RABGAP1: variants seen among roughly 807,000 people sequenced by gnomAD.
RABGAP1 encodes RAB GTPase activating protein 1.
RABGAP1 carries 23 observed loss-of-function variants against 137.6 expected under a neutral mutation model. That is an observed-to-expected ratio of 0.17 (90% CI 0.12 to 0.24). The LOEUF (loss-of-function observed/expected upper bound fraction) is 0.24. RABGAP1 is among the 10% of genes least tolerant of loss of function. The pLI is 1.00. For synonymous variants in RABGAP1, 451 were observed against 450.7 expected (o/e 1.00, Z -0.01); for missense variants, 906 against 1,275.8 (o/e 0.71, Z 4.42).
At chr9:122,969,242 C>G (rs191052445) in intron 2 of RABGAP1, among the ~76,000 whole-genome samples, 2 of 152,288 alleles carry the variant, frequency 1.3e-5, no homozygotes, top group Admixed American at 1.3e-4. Context: ...GAGTAACAGG[C>G]TATACCATAC....
intron 13 of RABGAP1, 61 bp from the exon 14 acceptor site, chr9:123,065,287 C>G (rs918434826): frequency 1.6e-6 from 2 of 1,244,750 alleles, no homozygotes; most frequent in Non-Finnish European, 2.3e-6. Flanking sequence ...CTTGCCTAAA[C>G]CTGAATAAGA....
intron 2 of RABGAP1, among the ~76,000 whole-genome samples, chr9:122,971,483 C>T (rs1381932448): frequency 6.6e-6 from 1 of 152,130 alleles, no homozygotes; most frequent in Non-Finnish European, 1.5e-5. Context: ...AGTTAGCAAA[C>T]CCCAGCAGAA....
intron 13 of RABGAP1, chr9:123,034,466 A>T: frequency 1.4e-6 from 1 of 727,624 alleles, no homozygotes; most frequent in Non-Finnish European, 2.4e-6. Flanking sequence ...TGGCATTATT[A>T]CACACATGCA....
intron 1 of RABGAP1, among the ~76,000 whole-genome samples, chr9:122,949,893 G>T (rs1834140943): frequency 6.6e-6 from 1 of 152,036 alleles, no homozygotes; most frequent in South Asian, 2.1e-4. Flanking sequence ...GCTGATTGCG[G>T]AAACAAAAAC....
intron 19 of RABGAP1, among the ~76,000 whole-genome samples, chr9:123,088,308 C>T (rs942532564): frequency 1.3e-5 from 2 of 152,110 alleles, no homozygotes; most frequent in Non-Finnish European, 2.9e-5. Flanking sequence ...CCTTGGCCTC[C>T]CAAAGTGCTG....
At chr9:123,081,327 C>G (rs771730703) in intron 19 of RABGAP1, among the ~76,000 whole-genome samples, 2 of 152,198 alleles carry the variant, frequency 1.3e-5, no homozygotes, top group Non-Finnish European at 2.9e-5. Context: ...GTGCCCCTAA[C>G]TCGTGTTGTT....
intron 19 of RABGAP1, among the ~76,000 whole-genome samples, chr9:123,079,210 T>C (rs2034619954): frequency 6.9e-6 from 1 of 145,190 alleles, no homozygotes. Flanking sequence ...GTTGTTGTTG[T>C]TTGTTTTTTT....
intron 17 of RABGAP1, among the ~76,000 whole-genome samples, chr9:123,074,650 A>G (rs139171706): frequency 6.6e-6 from 1 of 152,364 alleles, no homozygotes; most frequent in African/African-American, 2.4e-5. Context: ...AGACATTTGT[A>G]TTAGTTCATA....
intron 13 of RABGAP1, among the ~76,000 whole-genome samples, chr9:123,021,201 C>T (rs2031606671): frequency 6.7e-6 from 1 of 148,356 alleles, no homozygotes. Flanking sequence ...GGAGATTTTT[C>T]AATGTGACAG....
intron 13 of RABGAP1, among the ~76,000 whole-genome samples, chr9:123,036,357 A>G (rs2032660624): frequency 6.6e-6 from 1 of 152,228 alleles, no homozygotes. Context: ...ATCGTGTAGT[A>G]CTTTTGCCCA....
Position 123,070,367 on chromosome 9 carries a change from T to C in RABGAP1, c.1926T>C (p.Asp642=), listed in dbSNP as rs1447423587. 1 of 1,614,070 alleles carries C rather than the reference T, an allele frequency of 6.2e-7. No individual in the cohort carries two copies. Among genetic ancestry groups the C allele is most frequent in the Non-Finnish European group, 8.5e-7 (1 of 1,179,972 alleles). Residue 642 remains aspartate, a synonymous_variant, in exon 15 of 26, where the codon GAT becomes GAC. Transcript: ENST00000373647. The surrounding 1 kb of genome is among the most constrained non-coding windows in gnomAD (Gnocchi z 4.4). ...YKICKAYSVY[D]EEIGYCQGQS... Reference sequence around the variant, plus strand: ...TTTTCCAGGCTTATTCTGTGTATGATGAAGAGATTGGTTATTGCCAGGGCC... The same window carrying C: ...TTTTCCAGGCTTATTCTGTGTATGACGAAGAGATTGGTTATTGCCAGGGCC...
intron 13 of RABGAP1, among the ~76,000 whole-genome samples, chr9:123,052,033 C>T (rs1330796067): frequency 6.6e-6 from 1 of 150,906 alleles, no homozygotes; most frequent in Non-Finnish European, 1.5e-5. Context: ...TCTCGATCTC[C>T]TCACCTTGTG....
At chr9:122,993,714 C>T (rs936760358) in intron 6 of RABGAP1, among the ~76,000 whole-genome samples, 1 of 152,036 alleles carries the variant, frequency 6.6e-6, no homozygotes, top group East Asian at 1.9e-4. Context: ...CCCACGCTGG[C>T]GTACAGTGGC....
At chr9:122,953,353 G>A (rs926332563) in intron 1 of RABGAP1, among the ~76,000 whole-genome samples, 4 of 151,954 alleles carry the variant, frequency 2.6e-5, no homozygotes, top group Non-Finnish European at 5.9e-5. Flanking sequence ...TACCTCTATG[G>A]AAACTGAGGC....
intron 13 of RABGAP1, among the ~76,000 whole-genome samples, chr9:123,057,050 G>A (rs1352994392): frequency 5.3e-5 from 8 of 151,596 alleles, no homozygotes; most frequent in East Asian, 2.0e-4. Flanking sequence ...CAGTAGGGGC[G>A]GCCGGGCAGA....
upstream of RABGAP1, among the ~76,000 whole-genome samples, chr9:122,936,027 G>A (rs552225565): frequency 6.6e-6 from 1 of 152,014 alleles, no homozygotes; most frequent in Non-Finnish European, 1.5e-5. Flanking sequence ...TCCTTTGTAT[G>A]GGACAAGTTG....
Position 122,986,259 on chromosome 9 carries a change from A to G in RABGAP1, c.430A>G (p.Ser144Gly). 8 of 1,614,228 alleles carry G rather than the reference A, an allele frequency of 5.0e-6. No individual in the cohort carries two copies. In the South Asian group the frequency reaches 6.6e-5, roughly 13 times the overall value. Residue 144 changes from serine to glycine, a missense_variant, in exon 4 of 26, where the codon AGC (serine) becomes GGC (glycine). Transcript: ENST00000373647. ...SPFTPVADED[S>G]VVFSKLTYLG... ...TTTCACACCAGTGGCCGATGAGGAC[A>G]GCGTAGTTTTCAGTAAACTGACTTA...
chr9:122,974,415 CTTTTTTT>C (rs11331973), intron 2 of RABGAP1, among the ~76,000 whole-genome samples: 7 of 58,218 alleles, frequency 1.2e-4, no homozygotes, highest in East Asian at 6.0e-4. Context: ...ATGGCTTTGT[CTTTTTTT>C]TTTTTTTTTT....
chr9:123,006,781 G>A (rs1489126941), intron 10 of RABGAP1, among the ~76,000 whole-genome samples: 1 of 151,748 alleles, frequency 6.6e-6, no homozygotes, highest in Non-Finnish European at 1.5e-5. Flanking sequence ...CTAATTTTTT[G>A]CATTTTAAAT....
Sources: allele counts gnomAD v4.1 joint callset (sites outside exome capture counted in the v4.1 genomes callset), GRCh38; gene constraint gnomAD v4.1.1; non-coding constraint Gnocchi (gnomAD v3.1); transcripts MANE v1.5; gene names NCBI Gene and HGNC (gene_info 2026-07-23, HGNC 2026-07-21).